The following CA5B variants were observed in gnomAD, a reference collection of about 807,000 sequenced individuals.
CA5B encodes carbonic anhydrase 5B.
Under a neutral mutation model 23.1 loss-of-function variants are expected in CA5B, and 15 were observed. The ratio of observed to expected loss-of-function variants is 0.65; its 90% CI spans 0.43 to 1.00. The LOEUF (loss-of-function observed/expected upper bound fraction) is 1.00. Ranked by LOEUF, CA5B falls within the 50% of genes least tolerant of loss-of-function variation. CA5B has a pLI of 0.00. For missense variants in CA5B, 236 were observed against 252.2 expected (o/e 0.94, Z 0.43); for synonymous variants, 84 against 98.5 (o/e 0.85, Z 0.87).
chrX:15,759,430 A>G (rs894297951), intron 2 of CA5B, among the ~76,000 whole-genome samples: 3 of 111,731 alleles, frequency 2.7e-5, no homozygotes, highest in Non-Finnish European at 5.6e-5. Context: ...ACCTTGTACC[A>G]TGTGAAGACA....
At chrX:15,774,518 C>A in intron 5 of CA5B, 121 bp downstream of exon 5, 1 of 871,332 alleles carries the variant, frequency 1.1e-6, no homozygotes, top group Non-Finnish European at 1.6e-6. Context: ...ATAAATAGTG[C>A]TTGAAGTACA....
intron 7 of CA5B, among the ~76,000 whole-genome samples, chrX:15,779,779 T>C (rs1032303999): frequency 1.8e-5 from 2 of 111,489 alleles, no homozygotes; most frequent in African/African-American, 6.5e-5. Flanking sequence ...GGCCTATACA[T>C]TTAGTCTGTT....
intron 3 of CA5B, chrX:15,769,682 T>A: frequency 6.0e-6 from 3 of 502,154 alleles, no homozygotes; most frequent in Non-Finnish European, 7.3e-6. Flanking sequence ...ACATACACAG[T>A]TTAAAACACA....
Position 15,738,332 on chromosome X carries a change from G to C in CA5B, c.-74G>C, listed in dbSNP as rs1025759089. 1 of 111,202 alleles carries C rather than the reference G, an allele frequency of 9.0e-6. No individual in the cohort carries two copies. The highest frequency in any genetic ancestry group is 1.9e-5 in the Non-Finnish European group (1 of 53,007). The allele number at this position is 111,202 out of a possible 1,213,427, so 9.2% of individuals were successfully genotyped here. ...CGTAGGCGAGCGAGCGGCTAGGTTCGTGATCTGGAGAGACGCTCAGGTAAG... is the reference window on the plus strand; with the variant it reads ...CGTAGGCGAGCGAGCGGCTAGGTTCCTGATCTGGAGAGACGCTCAGGTAAG... On this transcript the variant is annotated 5_prime_UTR_variant, in exon 1 of 8. Coordinates refer to ENST00000318636, the MANE Select transcript of CA5B (RefSeq NM_007220.4).
Position 15,746,130 on chromosome X carries a change from A to G in CA5B, c.-53-3841A>G, listed in dbSNP as rs1030458385. 6.5e-5 allele frequency among the ~76,000 whole-genome samples: 6 copies of G among 91,991 alleles called. No homozygotes were observed. In the East Asian group the frequency reaches 1.9e-3, roughly 29 times the overall value. 79.9% of individuals were successfully genotyped at this position (91,991 alleles called of 115,157 possible). Reference sequence around the variant, plus strand: ...GCATGATCTCGGCTCACTGCAACCTACACCTCCCGGGTTCAAGCGATTCTC... The same window carrying G: ...GCATGATCTCGGCTCACTGCAACCTGCACCTCCCGGGTTCAAGCGATTCTC... On this transcript the variant is annotated intron_variant, in intron 1 of 7. Transcript: ENST00000318636.
At position 15,776,710 on chromosome X, in the gene CA5B, C is replaced by G; in HGVS notation, c.619-4C>G. 8.3e-7 allele frequency: 1 copy of G among 1,203,881 alleles called. No homozygotes were observed. The highest frequency in any genetic ancestry group is 1.1e-6 in the Non-Finnish European group (1 of 888,937). ...ATGACTCGGTTATCTCTTCTCTTGG[C>G]CAGGACGCCCTTGTGGAATTTGGGT... On this transcript the variant is annotated splice_polypyrimidine_tract_variant and splice_region_variant and intron_variant, in intron 6 of 7. Transcript: ENST00000318636.
chrX:15,743,148 G>T (rs978139274), intron 1 of CA5B, among the ~76,000 whole-genome samples: 1 of 112,241 alleles, frequency 8.9e-6, no homozygotes, highest in Admixed American at 9.4e-5. Flanking sequence ...CCAGACATAC[G>T]CCCACTTCAG....
intron 3 of CA5B, among the ~76,000 whole-genome samples, chrX:15,771,149 C>G (rs1351143324): frequency 1.1e-5 from 1 of 87,796 alleles, no homozygotes; most frequent in African/African-American, 4.4e-5. Context: ...GGGTGGATCT[C>G]TTGAGCTCAG....
At chrX:15,759,280 A>G (rs1931553033) in intron 2 of CA5B, among the ~76,000 whole-genome samples, 1 of 111,834 alleles carries the variant, frequency 8.9e-6, no homozygotes, top group African/African-American at 3.3e-5. Flanking sequence ...ACCCCCTAAC[A>G]TTTGTGTGTT....
At chrX:15,747,713 GC>G (rs1157101970) in intron 1 of CA5B, among the ~76,000 whole-genome samples, 1 of 111,462 alleles carries the variant, frequency 9.0e-6, no homozygotes, top group Non-Finnish European at 1.9e-5. Context: ...GTTGCCAATG[GC>G]CTATTGTTCT....
intron 3 of CA5B, among the ~76,000 whole-genome samples, chrX:15,767,404 A>AT (rs1471731788): frequency 0.025 from 2,492 of 101,367 alleles, 73 homozygotes; most frequent in African/African-American, 0.079. Context: ...AGATTCTAGA[A>AT]TTTTTTTTTT....
intron 1 of CA5B, among the ~76,000 whole-genome samples, chrX:15,744,205 G>T (rs1931178655): frequency 8.9e-6 from 1 of 112,937 alleles, no homozygotes; most frequent in African/African-American, 3.2e-5. Flanking sequence ...AGTCCTCAAG[G>T]CATGACCATG....
At chrX:15,754,008 G>C (rs906061407) in intron 2 of CA5B, among the ~76,000 whole-genome samples, 2 of 112,522 alleles carry the variant, frequency 1.8e-5, no homozygotes, top group East Asian at 2.8e-4. Flanking sequence ...GTTGGAGGTA[G>C]GTATTGTATT....
Position 15,788,080 on chromosome X carries a change from G to A in CA5B, c.*5416G>A, listed in dbSNP as rs983305329. On this transcript the variant is annotated 3_prime_UTR_variant, in exon 8 of 8. Coordinates refer to ENST00000318636, the MANE Select transcript of CA5B (RefSeq NM_007220.4). Reference sequence around the variant, plus strand: ...GAGTTGCATAGCTACAACATTCTGTGCCATCCAGGGCACTCTAGTTTGGGG... The same window carrying A: ...GAGTTGCATAGCTACAACATTCTGTACCATCCAGGGCACTCTAGTTTGGGG... The A allele has an allele frequency of 1.8e-5, 2 of 112,318 alleles. No individual in the cohort carries two copies. The highest frequency in any genetic ancestry group is 1.9e-5 in the Non-Finnish European group (1 of 53,300). 9.3% of individuals were successfully genotyped at this position (112,318 alleles called of 1,213,427 possible). A position where few individuals can be genotyped will look rare whatever the true frequency, so the allele number is the denominator to read the frequency against.
chrX:15,768,569 C>G (rs1931758525), intron 3 of CA5B: 1 of 111,449 alleles, frequency 9.0e-6, no homozygotes, highest in African/African-American at 3.3e-5. Context: ...TAATTATTTT[C>G]TTTAAGATAG....
At chrX:15,740,737 C>G (rs909929404) in intron 1 of CA5B, among the ~76,000 whole-genome samples, 1 of 112,427 alleles carries the variant, frequency 8.9e-6, no homozygotes, top group African/African-American at 3.2e-5. Flanking sequence ...TTCCTCTCAG[C>G]TATCCCATTG....
At chrX:15,763,809 A>C (rs1017115866) in intron 2 of CA5B, among the ~76,000 whole-genome samples, 3 of 112,151 alleles carry the variant, frequency 2.7e-5, no homozygotes, top group Admixed American at 9.5e-5. Context: ...AGGGAAACTG[A>C]TGGTATAACT....
intron 2 of CA5B, among the ~76,000 whole-genome samples, chrX:15,751,957 A>C (rs890403716): frequency 1.1e-4 from 12 of 111,425 alleles, no homozygotes; most frequent in African/African-American, 3.9e-4. Flanking sequence ...CAGATTCTTG[A>C]GGGTTTGAAA....
intron 2 of CA5B, among the ~76,000 whole-genome samples, chrX:15,759,927 T>C (rs1931569390): frequency 9.4e-6 from 1 of 106,893 alleles, no homozygotes; most frequent in African/African-American, 3.4e-5. Context: ...TAATTTTTTG[T>C]ATCTTTAGTA....
Sources: gnomAD v4.1 joint callset for allele counts (sites outside exome capture counted in the v4.1 genomes callset) on GRCh38, gnomAD v4.1.1 for gene constraint, MANE v1.5 for transcripts, NCBI Gene and HGNC (gene_info 2026-07-23, HGNC 2026-07-21) for gene names.